The following ZDHHC14 variants were observed in gnomAD, a reference collection of about 807,000 sequenced individuals.
The protein encoded by ZDHHC14 is zDHHC palmitoyltransferase 14.
A neutral mutation model predicts 47.7 loss-of-function variants in ZDHHC14; 16 were observed. The observed-to-expected ratio is 0.34, with a 90% CI of 0.23 to 0.51. ZDHHC14 has a LOEUF of 0.51. Among genes scored for constraint, ZDHHC14 ranks in the 20% least tolerant of loss-of-function variants. The pLI is 0.97. For synonymous variants in ZDHHC14, 293 were observed against 278.9 expected (o/e 1.05, Z -0.50); for missense variants, 515 against 662.5 (o/e 0.78, Z 2.44).
chr6:157,560,099 G>A (rs950495781), intron 2 of ZDHHC14, among the ~76,000 whole-genome samples: 1 of 152,220 alleles, frequency 6.6e-6, no homozygotes, highest in African/African-American at 2.4e-5. Context: ...GGCACAGGGT[G>A]GTGGCCAACT....
At chr6:157,664,911 G>A (rs552877387) in intron 8 of ZDHHC14, among the ~76,000 whole-genome samples, 5 of 152,240 alleles carry the variant, frequency 3.3e-5, no homozygotes, top group Admixed American at 2.6e-4. Flanking sequence ...GGACCAGAAC[G>A]GCATCCTCTT....
chr6:157,454,491 GCTT>G (rs201125385), intron 1 of ZDHHC14, among the ~76,000 whole-genome samples: 2,007 of 115,148 alleles, frequency 0.017, 36 homozygotes, highest in African/African-American at 0.052. Context: ...TTTTAATGCA[GCTT>G]CTTCTTTTTT....
At chr6:157,517,413 C>T (rs575730863) in intron 1 of ZDHHC14, among the ~76,000 whole-genome samples, 5 of 151,996 alleles carry the variant, frequency 3.3e-5, no homozygotes, top group African/African-American at 1.2e-4. Flanking sequence ...CGGGTTCAAG[C>T]GATTCTCCTG....
chr6:157,557,511 G>A (rs1008453116), intron 2 of ZDHHC14, among the ~76,000 whole-genome samples: 4 of 152,220 alleles, frequency 2.6e-5, no homozygotes, highest in African/African-American at 9.6e-5. Flanking sequence ...ACATTCGGCA[G>A]AGGTGAGTCG....
intron 1 of ZDHHC14, among the ~76,000 whole-genome samples, chr6:157,501,192 T>A (rs1780184733): frequency 6.6e-6 from 1 of 152,238 alleles, no homozygotes; most frequent in South Asian, 2.1e-4. Flanking sequence ...CATTTTGGAT[T>A]TCTGGTTTCC....
chr6:157,408,249 G>T (rs1202584843), intron 1 of ZDHHC14, among the ~76,000 whole-genome samples: 2 of 151,926 alleles, frequency 1.3e-5, no homozygotes, highest in East Asian at 3.8e-4. Context: ...GGCTGGCCTG[G>T]TGGCTTTGTC....
Position 157,582,872 on chromosome 6 carries a change from C to G in ZDHHC14, c.407-10116C>G, listed in dbSNP as rs137941832. On this transcript the variant is annotated intron_variant, in intron 2 of 8. Coordinates refer to ENST00000359775, the MANE Select transcript of ZDHHC14 (RefSeq NM_024630.3). This position sits in a 1 kb window ranked among gnomAD's most constrained non-coding sequence, Gnocchi z 4.3. The stretch of plus-strand genomic sequence containing the variant: ...GTCTCTTTCAGGAACACCAATGAGT[C>G]GCTGATTTGGTCTCTTTACATAAGC... Among the ~76,000 whole-genome samples the G allele has an allele frequency of 0.018, 2,806 of 152,086 alleles. 89 individuals are homozygous for G. Among genetic ancestry groups the G allele is most frequent in the African/African-American group, 0.065 (2,694 of 41,460 alleles).
At chr6:157,530,333 A>C (rs929680462) in intron 1 of ZDHHC14, among the ~76,000 whole-genome samples, 2 of 152,354 alleles carry the variant, frequency 1.3e-5, no homozygotes, top group South Asian at 4.1e-4. Context: ...TGCTGTCACC[A>C]TGTTTTAATG....
chr6:157,646,315 T>C (rs567400167), intron 6 of ZDHHC14: 1 of 152,574 alleles, frequency 6.6e-6, no homozygotes, highest in African/African-American at 2.4e-5. Context: ...AGAGGAAGTA[T>C]GAAAATAGGA....
chr6:157,599,745 G>A (rs368810547), intron 3 of ZDHHC14, among the ~76,000 whole-genome samples: 1 of 152,316 alleles, frequency 6.6e-6, no homozygotes, highest in East Asian at 1.9e-4. Context: ...CAATGACTTA[G>A]AAAACAGCAA....
intron 3 of ZDHHC14, among the ~76,000 whole-genome samples, chr6:157,622,669 T>A (rs1785242248): frequency 6.6e-6 from 1 of 152,114 alleles, no homozygotes; most frequent in African/African-American, 2.4e-5. Context: ...TGAACTGTTG[T>A]CAGCTCTTAG....
chr6:157,383,976 T>C (rs1373126720), intron 1 of ZDHHC14, among the ~76,000 whole-genome samples: 1 of 152,240 alleles, frequency 6.6e-6, no homozygotes, highest in Non-Finnish European at 1.5e-5. Flanking sequence ...GGATGAACAC[T>C]GGCACTGGAA....
chr6:157,647,015 A>G (rs1777587615), intron 6 of ZDHHC14, among the ~76,000 whole-genome samples: 1 of 152,260 alleles, frequency 6.6e-6, no homozygotes. Flanking sequence ...ATGGCCTTTT[A>G]GTACCATGTG....
chr6:157,570,770 C>T (rs201425956), intron 2 of ZDHHC14, among the ~76,000 whole-genome samples: 10,406 of 121,512 alleles, frequency 0.086, 385 homozygotes, highest in African/African-American at 0.13. Flanking sequence ...CACACACACA[C>T]ATATATATAT....
chr6:157,534,223 C>A (rs151086152), intron 1 of ZDHHC14, among the ~76,000 whole-genome samples: 1,605 of 152,306 alleles, frequency 0.011, 18 homozygotes, highest in Non-Finnish European at 0.018. Context: ...GTCTTCCCAG[C>A]ACACACACCA....
intron 1 of ZDHHC14, among the ~76,000 whole-genome samples, chr6:157,494,426 C>T (rs189462972): frequency 4.7e-4 from 71 of 152,324 alleles, no homozygotes; most frequent in African/African-American, 1.7e-3. Context: ...TAGTAATGAT[C>T]TCTGGTCTGG....
chr6:157,515,457 CTTTTTTTTTTTT>C (rs1187323622), intron 1 of ZDHHC14, among the ~76,000 whole-genome samples: 5 of 129,450 alleles, frequency 3.9e-5, no homozygotes, highest in African/African-American at 5.6e-5. Context: ...TTTTCTTTTT[CTTTTTTTTTTTT>C]TTTTTTTTTG....
At chr6:157,532,379 T>C (rs1328649519) in intron 1 of ZDHHC14, among the ~76,000 whole-genome samples, 2 of 152,382 alleles carry the variant, frequency 1.3e-5, no homozygotes, top group Non-Finnish European at 2.9e-5. Context: ...TCCATGAACA[T>C]TGCCGGTGTT....
chr6:157,478,307 A>C (rs946248003), intron 1 of ZDHHC14, among the ~76,000 whole-genome samples: 8 of 152,238 alleles, frequency 5.3e-5, no homozygotes, highest in African/African-American at 1.7e-4. Context: ...ATAGTACTAA[A>C]ATGAGCAGTC....
Sources: allele counts gnomAD v4.1 joint callset (sites outside exome capture counted in the v4.1 genomes callset), GRCh38; gene constraint gnomAD v4.1.1; non-coding constraint Gnocchi (gnomAD v3.1); transcripts MANE v1.5; gene names NCBI Gene and HGNC (gene_info 2026-07-23, HGNC 2026-07-21).